PCSK5: variants seen among roughly 807,000 people sequenced by gnomAD.
PCSK5 encodes proprotein convertase subtilisin/kexin type 5.
In PCSK5, 129 loss-of-function variants were observed where a neutral mutation model predicts 233.2. That is an observed-to-expected ratio of 0.55 (90% CI 0.48 to 0.64). The LOEUF is 0.64. Ranked by LOEUF, PCSK5 falls within the 30% of genes least tolerant of loss-of-function variation. The pLI, the probability that PCSK5 is intolerant of heterozygous loss-of-function variation, is 0.00. For synonymous variants in PCSK5, 825 were observed against 879.2 expected (o/e 0.94, Z 1.09); for missense variants, 2,076 against 2,430.1 (o/e 0.85, Z 3.06).
chr9:76,298,953 T>C (rs567825741), intron 27 of PCSK5, among the ~76,000 whole-genome samples: 1 of 152,258 alleles, frequency 6.6e-6, no homozygotes, highest in South Asian at 2.1e-4. Context: ...TGCTCCCCAG[T>C]GGAAACAATA....
chr9:76,182,580 G>A (rs571632395), intron 16 of PCSK5, among the ~76,000 whole-genome samples: 1 of 150,114 alleles, frequency 6.7e-6, no homozygotes, highest in East Asian at 2.0e-4. Flanking sequence ...AAACAAAAAT[G>A]TGTACCTTAA....
At chr9:76,092,415 C>T (rs182297002) in intron 7 of PCSK5, among the ~76,000 whole-genome samples, 183 of 152,186 alleles carry the variant, frequency 1.2e-3, no homozygotes, top group Middle Eastern at 3.4e-3. Flanking sequence ...TGTTTAGAGA[C>T]GGTCATTCTC....
intron 9 of PCSK5, among the ~76,000 whole-genome samples, chr9:76,124,549 G>A (rs7341864): frequency 0.47 from 71,150 of 151,120 alleles, 17,130 homozygotes; most frequent in Admixed American, 0.52. Context: ...GATCACGATC[G>A]TCCCGGCCAA....
intron 10 of PCSK5, among the ~76,000 whole-genome samples, chr9:76,145,929 G>C (rs1483113708): frequency 6.6e-6 from 1 of 152,154 alleles, no homozygotes; most frequent in African/African-American, 2.4e-5. Flanking sequence ...TTCTATGCAT[G>C]ACTTCCAAGG....
chr9:76,351,496 G>GAAAGAA (rs1564196745), intron 36 of PCSK5, among the ~76,000 whole-genome samples: 6 of 97,692 alleles, frequency 6.1e-5, no homozygotes, highest in African/African-American at 2.2e-4. Flanking sequence ...AAGAAAGAAA[G>GAAAGAA]AAAGAAAGAA....
chr9:76,301,625 G>A (rs773097100), intron 27 of PCSK5, among the ~76,000 whole-genome samples: 18 of 152,098 alleles, frequency 1.2e-4, no homozygotes, highest in Non-Finnish European at 1.9e-4. Flanking sequence ...GGCAGATCAC[G>A]TCAGTCCAGG....
At chr9:76,215,903 C>T (rs904381701) in intron 20 of PCSK5, among the ~76,000 whole-genome samples, 8 of 152,094 alleles carry the variant, frequency 5.3e-5, no homozygotes, top group Non-Finnish European at 1.5e-5. Context: ...CACACCACTG[C>T]ACTCCAGCCT....
At chr9:75,954,951 A>G (rs1383647035) in intron 2 of PCSK5, among the ~76,000 whole-genome samples, 1 of 152,210 alleles carries the variant, frequency 6.6e-6, no homozygotes, top group African/African-American at 2.4e-5. Context: ...TCTTTTTAAA[A>G]TAGACATCTT....
intron 3 of PCSK5, among the ~76,000 whole-genome samples, chr9:75,999,216 C>T (rs374783189): frequency 1.6e-4 from 25 of 152,276 alleles, no homozygotes; most frequent in Middle Eastern, 6.8e-3. Context: ...CCCTAGCCCC[C>T]CAGCCCCCAA....
chr9:75,968,064 G>A (rs1825669071), intron 2 of PCSK5, among the ~76,000 whole-genome samples: 1 of 151,794 alleles, frequency 6.6e-6, no homozygotes, highest in South Asian at 2.1e-4. Context: ...GCCTGGCCAG[G>A]GCCCAGCCTT....
chr9:76,186,217 T>C (rs1333749826), intron 17 of PCSK5, among the ~76,000 whole-genome samples: 1 of 152,208 alleles, frequency 6.6e-6, no homozygotes, highest in Non-Finnish European at 1.5e-5. Context: ...ATTTTACCCT[T>C]AGAACACATC....
At chr9:76,273,803 T>G (rs1827606842) in intron 24 of PCSK5, among the ~76,000 whole-genome samples, 1 of 150,574 alleles carries the variant, frequency 6.6e-6, no homozygotes, top group Non-Finnish European at 1.5e-5. Flanking sequence ...TAGCTAATTT[T>G]TAATTTTTTT....
At chr9:76,162,235 A>C (rs1289295261) in intron 12 of PCSK5, among the ~76,000 whole-genome samples, 3 of 152,170 alleles carry the variant, frequency 2.0e-5, no homozygotes, top group Non-Finnish European at 4.4e-5. Flanking sequence ...GCTGTGCTTG[A>C]CACTGGTAGC....
At chr9:76,220,357 T>C (rs914662568) in intron 20 of PCSK5, among the ~76,000 whole-genome samples, 1 of 151,798 alleles carries the variant, frequency 6.6e-6, no homozygotes, top group Admixed American at 6.6e-5. Context: ...TGAAACCCTG[T>C]CTCTACTAAA....
At chr9:76,013,854 A>G (rs144314573) in intron 3 of PCSK5, among the ~76,000 whole-genome samples, 74 of 152,264 alleles carry the variant, frequency 4.9e-4, no homozygotes, top group Middle Eastern at 3.4e-3. Context: ...GTTGTTTTTC[A>G]GTAATTTCAA....
At chr9:76,005,962 C>A (rs893282010) in intron 3 of PCSK5, among the ~76,000 whole-genome samples, 1 of 151,996 alleles carries the variant, frequency 6.6e-6, no homozygotes, top group African/African-American at 2.4e-5. Context: ...CCTCCCACCT[C>A]AGCCTCCAAG....
intron 7 of PCSK5, among the ~76,000 whole-genome samples, chr9:76,080,332 C>G (rs1053362270): frequency 3.3e-5 from 5 of 152,146 alleles, no homozygotes; most frequent in African/African-American, 1.2e-4. Flanking sequence ...CACACGCACT[C>G]CAGCCCTTCA....
At chr9:76,167,545 A>G (rs1823136597) in intron 12 of PCSK5, among the ~76,000 whole-genome samples, 1 of 152,150 alleles carries the variant, frequency 6.6e-6, no homozygotes, top group Non-Finnish European at 1.5e-5. Flanking sequence ...AGTGTTAGCC[A>G]TTTACCTATC....
At chr9:76,250,669 C>A (rs185670863) in intron 24 of PCSK5, among the ~76,000 whole-genome samples, 10 of 152,208 alleles carry the variant, frequency 6.6e-5, no homozygotes, top group African/African-American at 1.9e-4. Context: ...ACTGTCACAG[C>A]CGAAAGGAGC....
Sources: gnomAD v4.1 joint callset for allele counts (sites outside exome capture counted in the v4.1 genomes callset) on GRCh38, gnomAD v4.1.1 for gene constraint, MANE v1.5 for transcripts, NCBI Gene and HGNC (gene_info 2026-07-23, HGNC 2026-07-21) for gene names.